Variants in HNRNPH1 observed in about 807,000 individuals in gnomAD.
HNRNPH1 encodes heterogeneous nuclear ribonucleoprotein H.
A neutral mutation model predicts 58.6 loss-of-function variants in HNRNPH1; 4 were observed. The observed-to-expected ratio is 0.07, with a 90% CI of 0.03 to 0.16. HNRNPH1 has a LOEUF of 0.16. HNRNPH1 is among the 10% of genes least tolerant of loss of function. HNRNPH1 has a pLI of 1.00. For missense variants in HNRNPH1, 271 were observed against 564.2 expected (o/e 0.48, Z 5.26); for synonymous variants, 192 against 189.2 (o/e 1.01, Z -0.12).
intron 1 of HNRNPH1, chr5:179,622,040 T>C (rs1006709693): frequency 4.4e-6 from 2 of 454,454 alleles, no homozygotes; most frequent in South Asian, 3.1e-5. Context: ...TTCATCCAAA[T>C]AGAATTTTAA....
chr5:179,633,150 C>G (rs904168568), intron 2 of HNRNPH1, among the ~76,000 whole-genome samples: 1 of 151,888 alleles, frequency 6.6e-6, no homozygotes, highest in Non-Finnish European at 1.5e-5. Flanking sequence ...AGCCACCATG[C>G]CCAGTTAATT....
intron 4 of HNRNPH1, 81 bp from the exon 6 acceptor site, chr5:179,618,404 G>A (rs1352798119): frequency 4.2e-6 from 4 of 951,334 alleles, no homozygotes; most frequent in East Asian, 4.9e-5. Context: ...AGTTATACAA[G>A]AAAACAATCT....
At chr5:179,620,260 T>C (rs965666109) in intron 3 of HNRNPH1, among the ~76,000 whole-genome samples, 5 of 152,252 alleles carry the variant, frequency 3.3e-5, no homozygotes, top group Admixed American at 2.6e-4. Flanking sequence ...TTATCTAACA[T>C]TGTTAAACAT....
chr5:179,616,979 T>TAA, intron 9 of HNRNPH1, 21 bp from the exon 11 acceptor site: 1 of 1,424,832 alleles, frequency 7.0e-7, no homozygotes, highest in Non-Finnish European at 9.8e-7. Context: ...AGAAAAGGCA[T>TAA]ACAAGGTTAG....
intron 2 of HNRNPH1, among the ~76,000 whole-genome samples, chr5:179,630,652 C>T (rs564790155): frequency 6.6e-6 from 1 of 152,272 alleles, no homozygotes; most frequent in East Asian, 1.9e-4. Flanking sequence ...GGGCTCACGC[C>T]TGTAATCCCA....
chr5:179,618,522 G>GAAAA (rs750930795), intron 4 of HNRNPH1, 199 bp from the exon 6 acceptor site: 5 of 289,088 alleles, frequency 1.7e-5, no homozygotes, highest in East Asian at 1.1e-4. Context: ...AAACTTTATA[G>GAAAA]AAAAAAAAAA....
intron 4 of HNRNPH1, 63 bp downstream of exon 5, chr5:179,619,206 G>C: frequency 1.5e-6 from 2 of 1,367,670 alleles, no homozygotes; most frequent in Non-Finnish European, 2.0e-6. Context: ...TAAGCAGAGA[G>C]AATATGGATT....
At chr5:179,623,234 G>C (rs1157734139) in exon 1 of HNRNPH1, 1 of 727,380 alleles carries the variant, frequency 1.4e-6, no homozygotes, top group African/African-American at 1.8e-5. Context: ...GCGCGCCCGG[G>C]CCCGCACCGC....
intron 10 of HNRNPH1, chr5:179,616,640 C>A: frequency 1.8e-6 from 1 of 567,876 alleles, no homozygotes; most frequent in Non-Finnish European, 3.1e-6. Context: ...TAGTTTCACT[C>A]CGTAGTCCCC....
upstream of HNRNPH1, among the ~76,000 whole-genome samples, chr5:179,625,808 A>G (rs1011462450): frequency 2.6e-5 from 4 of 152,110 alleles, no homozygotes; most frequent in Non-Finnish European, 4.4e-5. Context: ...ACAGCCCGTC[A>G]CCCAGGCTGG....
Position 179,621,232 on chromosome 5 carries a change from TA to T in HNRNPH1, c.253+9del. 6.2e-7 allele frequency: 1 copy of T among 1,612,392 alleles called. No homozygotes were observed. The highest frequency in any genetic ancestry group is 2.2e-5 in the East Asian group (1 of 44,872). On this transcript the variant is annotated intron_variant, in intron 2 of 12. Coordinates refer to ENST00000356731, the Ensembl canonical transcript of HNRNPH1. Reference sequence around the variant, plus strand: ...TTTATTTACTGTAACTAGGGCAATGTAAATCAAACCTTCAACATATCTGTGT... The same window carrying T: ...TTTATTTACTGTAACTAGGGCAATGTAATCAAACCTTCAACATATCTGTGT...
exon 13 of HNRNPH1, chr5:179,614,588 C>G: frequency 3.2e-6 from 1 of 314,060 alleles, no homozygotes; most frequent in Non-Finnish European, 6.0e-6. Context: ...TAAGTACATC[C>G]TATAACTAAC....
chr5:179,622,007 A>C, intron 1 of HNRNPH1: 1 of 455,808 alleles, frequency 2.2e-6, no homozygotes, highest in Non-Finnish European at 4.4e-6. Context: ...AATACTACAA[A>C]CGTCTTGCCA....
intron 11 of HNRNPH1, 197 bp from the exon 13 acceptor site, chr5:179,615,792 A>T (rs751522562): frequency 1.9e-6 from 1 of 515,652 alleles, no homozygotes; most frequent in Non-Finnish European, 3.5e-6. Flanking sequence ...AAAAAAGTGA[A>T]CAACTTTATT....
intron 10 of HNRNPH1, chr5:179,616,647 C>T (rs755870061): frequency 1.8e-6 from 1 of 571,276 alleles, no homozygotes; most frequent in Non-Finnish European, 3.1e-6. Context: ...ACTCCGTAGT[C>T]CCCTCCCCCA....
At chr5:179,627,859 T>C (rs1581765791), upstream of HNRNPH1, among the ~76,000 whole-genome samples, 1 of 150,964 alleles carries the variant, frequency 6.6e-6, no homozygotes, top group Non-Finnish European at 1.5e-5. Flanking sequence ...GATGTGGAGG[T>C]TGCAGTGAGC....
At chr5:179,632,911 G>A (rs1345197561) in intron 2 of HNRNPH1, among the ~76,000 whole-genome samples, 1 of 135,654 alleles carries the variant, frequency 7.4e-6, no homozygotes, top group African/African-American at 2.8e-5. Flanking sequence ...AGGCTGGAGT[G>A]CAGTGGCGCG....
chr5:179,632,576 G>A (rs1203251375), intron 2 of HNRNPH1, among the ~76,000 whole-genome samples: 2 of 151,956 alleles, frequency 1.3e-5, no homozygotes, highest in Non-Finnish European at 2.9e-5. Flanking sequence ...CCAGCCGTCC[G>A]CTGAGGAGAA....
At chr5:179,614,825 G>C (rs1204288150) in exon 13 of HNRNPH1, 2 of 849,214 alleles carry the variant, frequency 2.4e-6, no homozygotes, top group Non-Finnish European at 3.8e-6. Context: ...AAGAGTCAGT[G>C]ATCAGGATCG....
Sources: allele counts gnomAD v4.1 joint callset (sites outside exome capture counted in the v4.1 genomes callset), GRCh38; gene constraint gnomAD v4.1.1; transcripts MANE v1.5; gene names NCBI Gene and HGNC (gene_info 2026-07-23, HGNC 2026-07-21).